PRRX2: variants seen among roughly 807,000 people sequenced by gnomAD.
PRRX2 encodes paired related homeobox 2, also known as paired mesoderm homeobox protein 2.
PRRX2 carries 11 observed loss-of-function variants against 18.0 expected under a neutral mutation model. The ratio of observed to expected loss-of-function variants is 0.61; its 90% CI spans 0.39 to 1.01. The LOEUF (loss-of-function observed/expected upper bound fraction) is 1.01. PRRX2 is among the 50% of genes least tolerant of loss of function. The probability of loss-of-function intolerance (pLI) is 0.01; values close to 1 mark genes in which losing one functional copy is unlikely to be tolerated. For synonymous variants in PRRX2, 177 were observed against 154.8 expected (o/e 1.14, Z -1.06); for missense variants, 387 against 351.0 (o/e 1.10, Z -0.82).
In PRRX2 at chr9:129,722,374, A is replaced by C; in HGVS notation, c.*22A>C. The C allele has an allele frequency of 6.2e-7, 1 of 1,612,134 alleles. No individual in the cohort carries two copies. Among genetic ancestry groups the C allele is most frequent in the Non-Finnish European group, 8.5e-7 (1 of 1,179,278 alleles). ...CTGAAGTCCAGTCCCACCAGGACCCAGACGCCTCCCTGGGTGGACAGCAAT... is the reference window on the plus strand; with the variant it reads ...CTGAAGTCCAGTCCCACCAGGACCCCGACGCCTCCCTGGGTGGACAGCAAT... On this transcript the variant is annotated 3_prime_UTR_variant, in exon 4 of 4. Coordinates refer to ENST00000372469, the MANE Select transcript of PRRX2 (RefSeq NM_016307.4).
intron 1 of PRRX2, among the ~76,000 whole-genome samples, chr9:129,684,522 A>ACACACC (rs1564147364): frequency 2.5e-5 from 1 of 39,642 alleles, no homozygotes; most frequent in Admixed American, 2.0e-4. Context: ...ACACACACAC[A>ACACACC]CCCACACACA....
At chr9:129,694,321 A>T (rs1832394967) in intron 1 of PRRX2, among the ~76,000 whole-genome samples, 1 of 152,162 alleles carries the variant, frequency 6.6e-6, no homozygotes, top group South Asian at 2.1e-4. Context: ...ACTAGCCGGG[A>T]CTATGGGTGT....
intron 1 of PRRX2, among the ~76,000 whole-genome samples, chr9:129,667,932 G>A (rs1403049312): frequency 6.6e-6 from 1 of 152,192 alleles, no homozygotes; most frequent in Non-Finnish European, 1.5e-5. Context: ...CCTAAGAAGG[G>A]GCATTGGCAC....
chr9:129,680,375 T>C (rs1241979504), intron 1 of PRRX2, among the ~76,000 whole-genome samples: 6 of 131,584 alleles, frequency 4.6e-5, no homozygotes, highest in African/African-American at 9.0e-5. Flanking sequence ...CACTCCAGCC[T>C]GGGTGACAGA....
intron 1 of PRRX2, among the ~76,000 whole-genome samples, chr9:129,697,676 G>A (rs896630952): frequency 9.2e-5 from 14 of 152,008 alleles, no homozygotes; most frequent in South Asian, 6.2e-4. Context: ...CCAGCTCCCC[G>A]TCCAGATGGG....
At chr9:129,706,914 C>T (rs1360601776) in intron 1 of PRRX2, among the ~76,000 whole-genome samples, 2 of 152,184 alleles carry the variant, frequency 1.3e-5, no homozygotes, top group African/African-American at 4.8e-5. Context: ...TGCCAGTCTA[C>T]CTCCATCTCT....
chr9:129,696,867 G>A (rs546027926), intron 1 of PRRX2, among the ~76,000 whole-genome samples: 93 of 152,314 alleles, frequency 6.1e-4, no homozygotes, highest in African/African-American at 2.1e-3. Context: ...TGAGTTCCAG[G>A]TGTGTGGGCT....
In PRRX2 at chr9:129,675,006, C is replaced by T. The variant is rs138499162; in HGVS notation, c.259+8880C>T. Among the ~76,000 whole-genome samples the T allele has an allele frequency of 4.5e-3, 683 of 152,256 alleles. 6 individuals are homozygous for T. The highest frequency in any genetic ancestry group is 0.015 in the African/African-American group (615 of 41,532). ...GCCTAGCGATTCTTGTACCCTGCTG[C>T]GGGCTCCTTCCAGAGCTGACTCTGC... is the stretch of plus-strand genomic sequence containing the variant. On this transcript the variant is annotated intron_variant, in intron 1 of 3. Coordinates refer to ENST00000372469, the MANE Select transcript of PRRX2 (RefSeq NM_016307.4). The surrounding 1 kb of genome is among the most constrained non-coding windows in gnomAD (Gnocchi z 4.4).
intron 1 of PRRX2, among the ~76,000 whole-genome samples, chr9:129,670,018 C>T (rs1050669002): frequency 4.1e-5 from 6 of 147,700 alleles, no homozygotes; most frequent in African/African-American, 1.5e-4. Flanking sequence ...GCCCCTGGCA[C>T]CCAGCAGTCT....
intron 2 of PRRX2, among the ~76,000 whole-genome samples, chr9:129,720,028 G>T (rs771874708): frequency 2.0e-5 from 3 of 152,130 alleles, no homozygotes; most frequent in Admixed American, 1.3e-4. Flanking sequence ...ATAAATTTTC[G>T]TAAAGCGCTT....
intron 1 of PRRX2, among the ~76,000 whole-genome samples, chr9:129,684,475 C>A (rs1588164930): frequency 2.5e-5 from 3 of 118,366 alleles, no homozygotes; most frequent in South Asian, 2.8e-4. Flanking sequence ...AGAAAAGATA[C>A]CAGAAATCAC....
intron 3 of PRRX2, 106 bp from the exon 4 acceptor site, chr9:129,722,111 G>A: frequency 6.7e-7 from 1 of 1,488,494 alleles, no homozygotes; most frequent in Non-Finnish European, 9.1e-7. Context: ...AGGCTGCCCA[G>A]GAGAGCAAGC....
At position 129,675,845 on chromosome 9, in the gene PRRX2, C is replaced by T. The variant is rs986218506; in HGVS notation, c.259+9719C>T. Among the ~76,000 whole-genome samples the T allele has an allele frequency of 9.2e-5, 14 of 152,216 alleles. No individual in the cohort carries two copies. Among genetic ancestry groups the T allele is most frequent in the African/African-American group, 3.4e-4 (14 of 41,450 alleles). ...CCTCTCTCGCCGCCAGAGCTCTGCGCGGGCCTCCCGTATAAAACCCCGCAG... is the reference window on the plus strand; with the variant it reads ...CCTCTCTCGCCGCCAGAGCTCTGCGTGGGCCTCCCGTATAAAACCCCGCAG... On this transcript the variant is annotated intron_variant, in intron 1 of 3. Transcript: ENST00000372469. This position sits in a 1 kb window ranked among gnomAD's most constrained non-coding sequence, Gnocchi z 4.4.
chr9:129,689,755 T>C (rs180738728), intron 1 of PRRX2, among the ~76,000 whole-genome samples: 21 of 151,534 alleles, frequency 1.4e-4, no homozygotes, highest in African/African-American at 4.6e-4. Context: ...TTATTTTGCT[T>C]ATTTATTTAT....
intron 1 of PRRX2, among the ~76,000 whole-genome samples, chr9:129,714,716 C>T (rs1259387429): frequency 1.3e-5 from 2 of 152,188 alleles, no homozygotes; most frequent in Non-Finnish European, 2.9e-5. Flanking sequence ...GCTGTTTCTT[C>T]GGGCGCTTAC....
chr9:129,699,107 G>A (rs1220688416), intron 1 of PRRX2, among the ~76,000 whole-genome samples: 1 of 152,234 alleles, frequency 6.6e-6, no homozygotes, highest in African/African-American at 2.4e-5. Flanking sequence ...CCTAGCCCAT[G>A]CTCTGGCCTG....
intron 1 of PRRX2, among the ~76,000 whole-genome samples, chr9:129,667,099 G>A (rs960643024): frequency 6.6e-6 from 1 of 152,244 alleles, no homozygotes; most frequent in Non-Finnish European, 1.5e-5. Context: ...CTGCAGCCTA[G>A]TCTGAATCCA....
intron 1 of PRRX2, among the ~76,000 whole-genome samples, chr9:129,714,041 G>A (rs187392864): frequency 5.1e-4 from 74 of 146,296 alleles, no homozygotes; most frequent in African/African-American, 1.7e-3. Flanking sequence ...GGTAGCTCAC[G>A]CCTGTAATCC....
In PRRX2 at chr9:129,722,428, A is replaced by G. The variant is rs373341887; in HGVS notation, c.*76A>G. ...AAAGGGGGCAGACGCCCAGGAAGTG[A>G]CCTTCTCCTGGATGAGCTCTCCTGG... On this transcript the variant is annotated 3_prime_UTR_variant, in exon 4 of 4. Coordinates refer to ENST00000372469, the MANE Select transcript of PRRX2 (RefSeq NM_016307.4). The G allele has an allele frequency of 5.2e-6, 8 of 1,538,870 alleles. No homozygotes were observed. The highest frequency in any genetic ancestry group is 2.3e-5 in the East Asian group (1 of 42,754).
Sources: allele counts gnomAD v4.1 joint callset (sites outside exome capture counted in the v4.1 genomes callset), GRCh38; gene constraint gnomAD v4.1.1; non-coding constraint Gnocchi (gnomAD v3.1); transcripts MANE v1.5; gene names NCBI Gene and HGNC (gene_info 2026-07-23, HGNC 2026-07-21).